The following CTTNBP2 variants were observed in gnomAD, a reference collection of about 807,000 sequenced individuals.
The protein encoded by CTTNBP2 is cortactin-binding protein 2.
CTTNBP2 carries 108 observed loss-of-function variants against 156.9 expected under a neutral mutation model. The ratio of observed to expected loss-of-function variants is 0.69; its 90% CI spans 0.59 to 0.81. The LOEUF (loss-of-function observed/expected upper bound fraction) is 0.81. CTTNBP2 is among the 30% of genes least tolerant of loss of function. CTTNBP2 has a pLI of 0.00. For synonymous variants in CTTNBP2, 767 were observed against 751.8 expected (o/e 1.02, Z -0.33); for missense variants, 1,924 against 2,035.4 (o/e 0.95, Z 1.05).
At chr7:117,872,928 G>A (rs1177946835) in intron 1 of CTTNBP2, among the ~76,000 whole-genome samples, 1 of 152,092 alleles carries the variant, frequency 6.6e-6, no homozygotes, top group African/African-American at 2.4e-5. Flanking sequence ...CGAGACACGC[G>A]CTGGCAACCA....
chr7:117,756,655 A>C, intron 11 of CTTNBP2, 21 bp from the exon 12 acceptor site: 2 of 1,473,462 alleles, frequency 1.4e-6, no homozygotes, highest in Non-Finnish European at 1.9e-6. Context: ...GGACAGACGA[A>C]GAAAAATGGG....
chr7:117,865,313 A>G (rs1182124838), intron 1 of CTTNBP2, among the ~76,000 whole-genome samples: 1 of 151,942 alleles, frequency 6.6e-6, no homozygotes, highest in Non-Finnish European at 1.5e-5. Context: ...TTCCCAATTA[A>G]AAAAGAAAAA....
chr7:117,825,800 C>A (rs1362179428), intron 2 of CTTNBP2, among the ~76,000 whole-genome samples: 1 of 152,128 alleles, frequency 6.6e-6, no homozygotes, highest in Non-Finnish European at 1.5e-5. Context: ...GGCTGGGTAC[C>A]TAAACAAATG....
chr7:117,780,947 C>A (rs759479366), intron 6 of CTTNBP2, among the ~76,000 whole-genome samples: 10 of 152,070 alleles, frequency 6.6e-5, no homozygotes, highest in African/African-American at 2.4e-4. Context: ...TATTTTGGTT[C>A]GAAATAGTTT....
At chr7:117,743,950 C>G (rs1220110817) in intron 14 of CTTNBP2, among the ~76,000 whole-genome samples, 4 of 151,850 alleles carry the variant, frequency 2.6e-5, no homozygotes, top group Non-Finnish European at 5.9e-5. Flanking sequence ...TTTCCTGCCC[C>G]TAAAATGTGC....
chr7:117,786,504 A>G (rs1429583016), intron 4 of CTTNBP2: 2 of 388,514 alleles, frequency 5.1e-6, no homozygotes, highest in Non-Finnish European at 1.0e-5. Context: ...AAACAGAGAA[A>G]TTATAAACAC....
chr7:117,821,368 T>C (rs1336765337), intron 2 of CTTNBP2, among the ~76,000 whole-genome samples: 1 of 152,044 alleles, frequency 6.6e-6, no homozygotes, highest in Non-Finnish European at 1.5e-5. Context: ...CTTTTTGTTT[T>C]TTGTTTTTTA....
chr7:117,865,390 G>T (rs1334437552), intron 1 of CTTNBP2, among the ~76,000 whole-genome samples: 2 of 152,114 alleles, frequency 1.3e-5, no homozygotes, highest in Non-Finnish European at 2.9e-5. Flanking sequence ...GCCAGGCACG[G>T]TGGCTCACGC....
chr7:117,717,905 T>G, intron 22 of CTTNBP2, 113 bp downstream of exon 22: 1 of 685,540 alleles, frequency 1.5e-6, no homozygotes, highest in Non-Finnish European at 2.6e-6. Context: ...TATTTCTCAG[T>G]TCTTAGCTTT....
chr7:117,745,233 C>T (rs1200789904), intron 14 of CTTNBP2, among the ~76,000 whole-genome samples: 1 of 152,214 alleles, frequency 6.6e-6, no homozygotes, highest in Non-Finnish European at 1.5e-5. Context: ...TGGCAAATTA[C>T]TGGACCTCTC....
chr7:117,728,527 C>A (rs756835056), intron 16 of CTTNBP2, among the ~76,000 whole-genome samples: 3 of 152,090 alleles, frequency 2.0e-5, no homozygotes, highest in African/African-American at 4.8e-5. Flanking sequence ...ATATCAGGAG[C>A]CTGAGGCAGG....
intron 1 of CTTNBP2, among the ~76,000 whole-genome samples, chr7:117,868,084 C>G (rs1268352630): frequency 6.6e-6 from 1 of 152,170 alleles, no homozygotes; most frequent in Non-Finnish European, 1.5e-5. Flanking sequence ...AAAAAAAGGA[C>G]TACATCTCAA....
intron 1 of CTTNBP2, among the ~76,000 whole-genome samples, chr7:117,867,805 G>C (rs1468487823): frequency 6.6e-6 from 1 of 152,148 alleles, no homozygotes; most frequent in Admixed American, 6.5e-5. Flanking sequence ...TTTGGTGTCA[G>C]CTCTCCAAGG....
chr7:117,789,110 T>TA (rs1218691473), intron 4 of CTTNBP2, among the ~76,000 whole-genome samples: 1 of 152,144 alleles, frequency 6.6e-6, no homozygotes, highest in Non-Finnish European at 1.5e-5. Context: ...TCCTGGTGAA[T>TA]AGATAATAGA....
At chr7:117,756,406 G>T (rs1796885001) in intron 12 of CTTNBP2, 149 bp downstream of exon 12, 7 of 649,638 alleles carry the variant, frequency 1.1e-5, no homozygotes, top group Non-Finnish European at 1.9e-5. Context: ...TGGGCAGCCT[G>T]CCAGGGAGGG....
intron 1 of CTTNBP2, among the ~76,000 whole-genome samples, chr7:117,869,916 G>A (rs1340861851): frequency 1.3e-5 from 2 of 152,138 alleles, no homozygotes; most frequent in African/African-American, 2.4e-5. Context: ...GCTGAGACCA[G>A]AATGGGAACC....
chr7:117,805,834 A>T (rs1799906959), intron 3 of CTTNBP2, among the ~76,000 whole-genome samples: 1 of 152,212 alleles, frequency 6.6e-6, no homozygotes, highest in Admixed American at 6.5e-5. Flanking sequence ...TATCACAAGC[A>T]ATGTCTTAAA....
intron 6 of CTTNBP2, among the ~76,000 whole-genome samples, 177 bp from the exon 7 acceptor site, chr7:117,780,768 C>T (rs1172943987): frequency 1.3e-5 from 2 of 151,916 alleles, no homozygotes; most frequent in African/African-American, 4.8e-5. Flanking sequence ...GTTTTTTTCA[C>T]AAGGCTAGAA....
chr7:117,846,822 GT>G, intron 2 of CTTNBP2, among the ~76,000 whole-genome samples: 1 of 152,010 alleles, frequency 6.6e-6, no homozygotes, highest in South Asian at 2.1e-4. Flanking sequence ...CTTAAACATT[GT>G]GACTTTTTTC....
Sources: gnomAD v4.1 joint callset for allele counts (sites outside exome capture counted in the v4.1 genomes callset) on GRCh38, gnomAD v4.1.1 for gene constraint, MANE v1.5 for transcripts, NCBI Gene and HGNC (gene_info 2026-07-23, HGNC 2026-07-21) for gene names.